The following SNED1 variants were observed in gnomAD, a reference collection of about 807,000 sequenced individuals.
SNED1 encodes sushi, nidogen and EGF like domains 1.
A neutral mutation model predicts 166.7 loss-of-function variants in SNED1; 81 were observed. That is an observed-to-expected ratio of 0.49 (90% confidence interval 0.41 to 0.58). SNED1 has a LOEUF of 0.58. Ranked by LOEUF, SNED1 falls within the 20% of genes least tolerant of loss-of-function variation. The probability of loss-of-function intolerance (pLI) is 0.00; values close to 1 mark genes in which losing one functional copy is unlikely to be tolerated. For missense variants in SNED1, 1,604 were observed against 2,000.2 expected (o/e 0.80, Z 3.78); for synonymous variants, 762 against 822.0 (o/e 0.93, Z 1.25).
At chr2:241,054,875 G>A (rs777936089) in intron 16 of SNED1, among the ~76,000 whole-genome samples, 1 of 152,188 alleles carries the variant, frequency 6.6e-6, no homozygotes, top group Non-Finnish European at 1.5e-5. Flanking sequence ...CCAGCACTTT[G>A]GGAGGCCGAG....
At chr2:241,058,543 A>G (rs1362456116) in intron 16 of SNED1, among the ~76,000 whole-genome samples, 2 of 152,258 alleles carry the variant, frequency 1.3e-5, no homozygotes, top group Non-Finnish European at 2.9e-5. Flanking sequence ...TATAGATTAC[A>G]ACAAAATTAA....
At chr2:241,070,616 C>G (rs901426388) in intron 24 of SNED1, among the ~76,000 whole-genome samples, 23 of 152,190 alleles carry the variant, frequency 1.5e-4, no homozygotes, top group Non-Finnish European at 7.3e-5. Flanking sequence ...CAGGCAGGGG[C>G]CTGCAAGGCA....
In SNED1 at chr2:241,077,044, A is replaced by G. The variant is rs187718471; in HGVS notation, c.3916+3680A>G. ...CAGTGAGCTGAGATTGCGCCACTGCACTCCAGCCTGGGCGACAGAGCGAGA... is the reference window on the plus strand; with the variant it reads ...CAGTGAGCTGAGATTGCGCCACTGCGCTCCAGCCTGGGCGACAGAGCGAGA... On this transcript the variant is annotated intron_variant, in intron 27 of 31. Transcript: ENST00000310397. 2.0e-5 allele frequency among the ~76,000 whole-genome samples: 3 copies of G among 150,672 alleles called. No homozygotes were observed. In the East Asian group the frequency reaches 5.9e-4, roughly 29 times the overall value.
Position 241,053,317 on chromosome 2 carries a change from C to A in SNED1, c.2248C>A (p.Gln750Lys). 1 of 1,576,786 alleles carries A rather than the reference C, an allele frequency of 6.3e-7. No individual in the cohort carries two copies. The highest frequency in any genetic ancestry group is 1.1e-5 in the South Asian group (1 of 87,206). The stretch of plus-strand genomic sequence containing the variant: ...ACACGGTGTCTGGAGTGAGCCTCCC[C>A]AGTGCCTTGGTGATTCTGTGGGCCC... ...QPHGVWSEPP[Q>K]CLEIDECRSQ... The change falls in exon 16 of 32, where the codon CAG becomes AAG. Residue 750 changes from glutamine (Q) to lysine (K), a missense_variant. Physicochemically the swap from Gln to Lys is moderately conservative, Grantham distance 53. Around this residue, in one of 2 missense-constraint regions of SNED1, gnomAD observed 1,237 missense variants for 1,620.8 expected, o/e 0.76. Coordinates refer to ENST00000310397, the MANE Select transcript of SNED1 (RefSeq NM_001080437.3).
At chr2:241,038,259 G>A (rs2061431889) in intron 6 of SNED1, among the ~76,000 whole-genome samples, 1 of 152,170 alleles carries the variant, frequency 6.6e-6, no homozygotes, top group African/African-American at 2.4e-5. Flanking sequence ...TTCAAATAGT[G>A]ACTATATCAA....
rs112705815 is a variant in SNED1, at chr2:241,082,273, G to A, written c.4034-4G>A. 8,053 of 1,601,356 alleles carry A rather than the reference G, an allele frequency of 5.0e-3. 22 individuals are homozygous for A. The highest frequency in any genetic ancestry group is 6.4e-3 in the Non-Finnish European group (7,481 of 1,169,590). On this transcript the variant is annotated splice_polypyrimidine_tract_variant and splice_region_variant and intron_variant, in intron 28 of 31. Coordinates refer to ENST00000310397, the MANE Select transcript of SNED1 (RefSeq NM_001080437.3). Reference sequence around the variant, plus strand: ...TGGTGAGCCACTGCCCTTCTTTGTCGCAGCCTGTATAAAGGTGTCCCGCCC... The same window carrying A: ...TGGTGAGCCACTGCCCTTCTTTGTCACAGCCTGTATAAAGGTGTCCCGCCC...
chr2:241,019,859 T>G (rs1261401929), intron 1 of SNED1, among the ~76,000 whole-genome samples: 1 of 152,100 alleles, frequency 6.6e-6, no homozygotes, highest in Non-Finnish European at 1.5e-5. Flanking sequence ...GCAGCAGGCT[T>G]TTTCTGTAGA....
In SNED1 at chr2:241,075,575, T is replaced by A. The variant is rs1391830649; in HGVS notation, c.3916+2211T>A. ...GGTTATTTGTACTCTTTTTATTCAT[T>A]TGTCAAAATTCTTATATGTTTTGAT... is the stretch of plus-strand genomic sequence containing the variant. On this transcript the variant is annotated intron_variant, in intron 27 of 31. Coordinates refer to ENST00000310397, the MANE Select transcript of SNED1 (RefSeq NM_001080437.3). This position sits in a 1 kb window ranked among gnomAD's most constrained non-coding sequence, Gnocchi z 4.8. 1 of 152,168 alleles carries A rather than the reference T, an allele frequency of 6.6e-6. No homozygotes were observed. The highest frequency in any genetic ancestry group is 6.5e-5 in the Admixed American group (1 of 15,282). 9.4% of individuals were successfully genotyped at this position (152,168 alleles called of 1,614,324 possible). A position where few individuals can be genotyped will look rare whatever the true frequency, so the allele number is the denominator to read the frequency against.
chr2:241,089,305 A>T, intron 31 of SNED1: 1 of 1,550,134 alleles, frequency 6.5e-7, no homozygotes, highest in Non-Finnish European at 8.7e-7. Flanking sequence ...GGTGGCGCAG[A>T]TGAGTGAGGC....
intron 1 of SNED1, among the ~76,000 whole-genome samples, chr2:241,007,732 C>T (rs1212835125): frequency 6.6e-6 from 1 of 152,208 alleles, no homozygotes; most frequent in Non-Finnish European, 1.5e-5. Context: ...CAATGTTACG[C>T]CACGAGCATT....
intron 30 of SNED1, 79 bp from the exon 31 acceptor site, chr2:241,088,286 C>T: frequency 1.0e-6 from 1 of 989,810 alleles, no homozygotes; most frequent in Non-Finnish European, 1.6e-6. Flanking sequence ...TCTCAGCAGG[C>T]AGCCTGGACT....
intron 31 of SNED1, 39 bp downstream of exon 31, chr2:241,088,441 G>A: frequency 2.6e-6 from 4 of 1,563,100 alleles, no homozygotes; most frequent in Middle Eastern, 1.7e-4. Context: ...CCACAGAGCT[G>A]CTGGGAAGTG....
chr2:241,082,869 A>G (rs1204649163), intron 29 of SNED1, among the ~76,000 whole-genome samples: 3 of 151,956 alleles, frequency 2.0e-5, no homozygotes, highest in East Asian at 3.9e-4. Context: ...TCTGTCGGTC[A>G]CACAGTCCAT....
chr2:241,012,122 A>G (rs905823014), intron 1 of SNED1, among the ~76,000 whole-genome samples: 1 of 151,420 alleles, frequency 6.6e-6, no homozygotes, highest in Non-Finnish European at 1.5e-5. Context: ...GGGGCCAGCT[A>G]AGGAAGAGCA....
Position 241,062,905 on chromosome 2 carries a change from G to A in SNED1, c.2371+1G>A. On this transcript the variant is annotated splice_donor_variant, in intron 17 of 31. Coordinates refer to ENST00000310397, the MANE Select transcript of SNED1 (RefSeq NM_001080437.3). LOFTEE classifies it high-confidence loss of function. ...TATGAGGGCGCCCACTGTGAGCTGG[G>A]TAAGAGGGGCCCTGGCCCCGCTGGG... 1 of 1,585,492 alleles carries A rather than the reference G, an allele frequency of 6.3e-7. No homozygotes were observed.
Position 241,069,164 on chromosome 2 carries a change from T to A in SNED1, c.3307+141T>A. 4.9e-6 allele frequency: 3 copies of A among 616,436 alleles called. 1 individual carries two copies. The South Asian group carries it at 6.0e-5, about 12-fold the overall frequency. The allele number at this position is 616,436 out of a possible 1,614,324, so 38.2% of individuals were successfully genotyped here. ...CTGGCCTCCCAGATGTCTCTTCCGC[T>A]GGGGCCACTGGGCAGGAGCCGCTGG... On this transcript the variant is annotated intron_variant, in intron 23 of 31. Coordinates refer to ENST00000310397, the MANE Select transcript of SNED1 (RefSeq NM_001080437.3). This position sits in a 1 kb window ranked among gnomAD's most constrained non-coding sequence, Gnocchi z 4.9.
rs1201547089 is a variant in SNED1, at chr2:241,018,282, C to T, written c.214-12002C>T. Reference sequence around the variant, plus strand: ...TGAATTCAAGTCAGCAAGATGGAAGCAAGGTTGTGCCCACACATGCACTTA... The same window carrying T: ...TGAATTCAAGTCAGCAAGATGGAAGTAAGGTTGTGCCCACACATGCACTTA... On this transcript the variant is annotated intron_variant, in intron 1 of 31. Coordinates refer to ENST00000310397, the MANE Select transcript of SNED1 (RefSeq NM_001080437.3). The surrounding 1 kb of genome is among the most constrained non-coding windows in gnomAD (Gnocchi z 5.4). Among the ~76,000 whole-genome samples, 2 of 152,204 alleles carry T rather than the reference C, an allele frequency of 1.3e-5. No homozygotes were observed. The highest frequency in any genetic ancestry group is 4.8e-5 in the African/African-American group (2 of 41,454).
At chr2:241,086,857 T>C (rs1348646659) in intron 29 of SNED1, among the ~76,000 whole-genome samples, 4 of 152,194 alleles carry the variant, frequency 2.6e-5, no homozygotes, top group African/African-American at 9.7e-5. Context: ...TATGAGTAGG[T>C]CCCATTTTTA....
rs2062824586 is a variant in SNED1 at position 241,073,202 on chromosome 2, G to C, written c.3818-64G>C. 1 of 1,197,652 alleles carries C rather than the reference G, an allele frequency of 8.3e-7. No homozygotes were observed. The highest frequency in any genetic ancestry group is 1.2e-6 in the Non-Finnish European group (1 of 834,400). The allele number at this position is 1,197,652 out of a possible 1,614,324, so 74.2% of individuals were successfully genotyped here. ...GAGATATAGAAGCACTCAAAAGGGT[G>C]GCCCCAGGACCATCCCGGGTGCAAA... On this transcript the variant is annotated intron_variant, in intron 26 of 31. Transcript: ENST00000310397. The surrounding 1 kb of genome is among the most constrained non-coding windows in gnomAD (Gnocchi z 6.6).
Sources: gnomAD v4.1 joint callset for allele counts (sites outside exome capture counted in the v4.1 genomes callset) on GRCh38, gnomAD v4.1.1 for gene constraint, gnomAD v4.1.1 regional missense constraint, Gnocchi (gnomAD v3.1) non-coding constraint, MANE v1.5 for transcripts, NCBI Gene and HGNC (gene_info 2026-07-23, HGNC 2026-07-21) for gene names.